CDH18: variants seen among roughly 807,000 people sequenced by gnomAD.
CDH18 encodes the protein cadherin 18.
In CDH18, 31 loss-of-function variants were observed where a neutral mutation model predicts 67.9. The observed-to-expected ratio is 0.46, with a 90% confidence interval of 0.34 to 0.62. The LOEUF is 0.62. Ranked by LOEUF, CDH18 falls within the 20% of genes least tolerant of loss-of-function variation. The pLI, the probability that CDH18 is intolerant of heterozygous loss-of-function variation, is 0.01. For missense variants in CDH18, 890 were observed against 975.5 expected, an observed-to-expected ratio of 0.91 and a Z score of 1.17; for synonymous variants, 362 against 347.2, an observed-to-expected ratio of 1.04 and a Z score of -0.48.
At chr5:20,296,268 T>G (rs967581551) in intron 1 of CDH18, among the ~76,000 whole-genome samples, 1 of 151,474 alleles carries the variant, frequency 6.6e-6, no homozygotes, top group Admixed American at 6.6e-5. Flanking sequence ...TTTGTTTTTT[T>G]TTTGAGAGGG....
chr5:19,667,186 T>A (rs1480426184), intron 5 of CDH18, among the ~76,000 whole-genome samples: 1 of 151,728 alleles, frequency 6.6e-6, no homozygotes, highest in Non-Finnish European at 1.5e-5. Context: ...ACTAAATTTA[T>A]AAATGACAAA....
chr5:19,862,950 G>A (rs1785062345), intron 2 of CDH18, among the ~76,000 whole-genome samples: 1 of 152,214 alleles, frequency 6.6e-6, no homozygotes, highest in South Asian at 2.1e-4. Context: ...GAACACCAGG[G>A]TTGGTTGGTC....
intron 5 of CDH18, among the ~76,000 whole-genome samples, chr5:19,631,299 T>A (rs74495638): frequency 0.017 from 2,578 of 152,230 alleles, 79 homozygotes; most frequent in African/African-American, 0.058. Flanking sequence ...ATGGAAGCAG[T>A]GGCACAATAT....
chr5:19,830,918 C>T (rs1780951561), intron 3 of CDH18, among the ~76,000 whole-genome samples: 2 of 152,040 alleles, frequency 1.3e-5, no homozygotes, highest in Admixed American at 1.3e-4. Flanking sequence ...CATAACCTGA[C>T]ACAAACTAAC....
chr5:20,305,544 T>G lies in CDH18; in HGVS notation c.-579-50039A>C. The G allele has an allele frequency of 4.0e-6, 3 of 746,416 alleles. No individual in the cohort carries two copies. The South Asian group carries it at 4.3e-5, about 11-fold the overall frequency. The allele number at this position is 746,416 out of a possible 1,614,324, so 46.2% of individuals were successfully genotyped here. On this transcript the variant is annotated intron_variant, in intron 1 of 14. Coordinates refer to the CDH18 transcript ENST00000507958. ...CGGCGCAGGGGTCTCGAGCGGCTGGTGGTCGCGGGGCTGAGGGCGCTCGGC... is the reference window on the plus strand; with the variant it reads ...CGGCGCAGGGGTCTCGAGCGGCTGGGGGTCGCGGGGCTGAGGGCGCTCGGC...
intron 4 of CDH18, among the ~76,000 whole-genome samples, chr5:19,736,248 G>A (rs993597262): frequency 5.9e-5 from 9 of 152,050 alleles, no homozygotes; most frequent in East Asian, 1.9e-4. Context: ...ACAATTAGCC[G>A]GGCATGGTAG....
chr5:20,186,653 A>C (rs1448452702), intron 2 of CDH18, among the ~76,000 whole-genome samples: 2 of 151,906 alleles, frequency 1.3e-5, no homozygotes, highest in African/African-American at 2.4e-5. Context: ...AAAAGAAAAT[A>C]ATATGTTGGC....
Position 19,839,010 on chromosome 5 carries a change from A to G in CDH18, c.-24T>C. 6.3e-7 allele frequency: 1 copy of G among 1,582,552 alleles called. No homozygotes were observed. Among genetic ancestry groups the G allele is most frequent in the Non-Finnish European group, 8.7e-7 (1 of 1,151,756 alleles). On this transcript the variant is annotated 5_prime_UTR_variant, in exon 3 of 13. Coordinates refer to ENST00000382275, the MANE Select transcript of CDH18 (RefSeq NM_004934.5). ...ATTGTAAGATAACTTTCCAGTTCAC[A>G]GTTTTCCTTCCTTTCCTTGTCAGCT...
chr5:20,210,016 AT>A (rs1400078851), intron 2 of CDH18, among the ~76,000 whole-genome samples: 1 of 151,300 alleles, frequency 6.6e-6, no homozygotes, highest in Non-Finnish European at 1.5e-5. Context: ...AATTAAAATA[AT>A]TTTTTCTCAA....
Position 20,037,152 on chromosome 5 carries a change from T to C in CDH18, c.-517-45138A>G, listed in dbSNP as rs933320636. Among the ~76,000 whole-genome samples, 4 of 152,084 alleles carry C rather than the reference T, an allele frequency of 2.6e-5. No homozygotes were observed. In the East Asian group the frequency reaches 5.8e-4, roughly 22 times the overall value. ...ATTGTTATGTGTGAATTTGATCCTGTCATTATGATGCTAGCTGGTTATTTT... is the reference window on the plus strand; with the variant it reads ...ATTGTTATGTGTGAATTTGATCCTGCCATTATGATGCTAGCTGGTTATTTT... On this transcript the variant is annotated intron_variant, in intron 2 of 14. Coordinates refer to the CDH18 transcript ENST00000507958.
At chr5:20,182,227 CA>C (rs1165264383) in intron 2 of CDH18, among the ~76,000 whole-genome samples, 1 of 151,786 alleles carries the variant, frequency 6.6e-6, no homozygotes, top group East Asian at 1.9e-4. Flanking sequence ...CATATCACTT[CA>C]ACTTCACTTG....
chr5:20,282,887 C>T (rs1746393836), intron 1 of CDH18, among the ~76,000 whole-genome samples: 1 of 151,926 alleles, frequency 6.6e-6, no homozygotes, highest in Non-Finnish European at 1.5e-5. Context: ...GCCATAGTAA[C>T]AAAAAGAACA....
chr5:20,150,858 G>A (rs1340817758), intron 2 of CDH18, among the ~76,000 whole-genome samples: 1 of 151,904 alleles, frequency 6.6e-6, no homozygotes, highest in African/African-American at 2.4e-5. Flanking sequence ...TAATAATACT[G>A]ACTAAAAACA....
chr5:20,141,237 G>T (rs1235828978), intron 2 of CDH18, among the ~76,000 whole-genome samples: 1 of 152,086 alleles, frequency 6.6e-6, no homozygotes, highest in Non-Finnish European at 1.5e-5. Flanking sequence ...GCATCTAAAA[G>T]ATATCTTGAT....
At chr5:19,524,964 C>T (rs1487878323) in intron 9 of CDH18, among the ~76,000 whole-genome samples, 1 of 152,162 alleles carries the variant, frequency 6.6e-6, no homozygotes, top group Non-Finnish European at 1.5e-5. Flanking sequence ...ACAAGATGGT[C>T]TCCATCTCCT....
At chr5:19,830,298 C>T (rs767534952) in intron 3 of CDH18, among the ~76,000 whole-genome samples, 11 of 151,888 alleles carry the variant, frequency 7.2e-5, no homozygotes, top group East Asian at 1.9e-4. Context: ...CATCACACAA[C>T]GGTCTAATAT....
intron 2 of CDH18, among the ~76,000 whole-genome samples, chr5:20,223,698 G>A (rs992380797): frequency 1.3e-5 from 2 of 152,180 alleles, no homozygotes; most frequent in East Asian, 3.9e-4. Context: ...TTCCTGTGCT[G>A]TTCTTGTGTT....
intron 2 of CDH18, among the ~76,000 whole-genome samples, chr5:20,144,599 A>G (rs894821015): frequency 1.3e-5 from 2 of 152,114 alleles, no homozygotes; most frequent in Non-Finnish European, 2.9e-5. Flanking sequence ...TGTTGGAATG[A>G]GTTAAGATTT....
At chr5:20,416,782 A>G (rs1403766141) in intron 1 of CDH18, among the ~76,000 whole-genome samples, 1 of 152,098 alleles carries the variant, frequency 6.6e-6, no homozygotes, top group Non-Finnish European at 1.5e-5. Flanking sequence ...TGGTATGATA[A>G]GGTTCTTTAC....
Sources: allele counts gnomAD v4.1 joint callset (sites outside exome capture counted in the v4.1 genomes callset), GRCh38; gene constraint gnomAD v4.1.1; transcripts MANE v1.5; gene names NCBI Gene and HGNC (gene_info 2026-07-23, HGNC 2026-07-21).